Variants in TRIP12 observed in about 807,000 individuals in gnomAD.
TRIP12 encodes E3 ubiquitin-protein ligase TRIP12.
Under a neutral mutation model 244.2 loss-of-function variants are expected in TRIP12, and 25 were observed. The ratio of observed to expected loss-of-function variants is 0.10; its 90% confidence interval spans 0.07 to 0.14. The LOEUF is 0.14. Ranked by LOEUF, TRIP12 falls within the 10% of genes least tolerant of loss-of-function variation. TRIP12 has a pLI of 1.00. For missense variants in TRIP12, 1,677 were observed against 2,486.4 expected, an observed-to-expected ratio of 0.67 and a Z score of 6.92; for synonymous variants, 905 against 873.1, an observed-to-expected ratio of 1.04 and a Z score of -0.64.
At position 229,811,219 on chromosome 2, in the gene TRIP12, A is replaced by C; in HGVS notation, c.1987-15T>G. On this transcript the variant is annotated splice_polypyrimidine_tract_variant and intron_variant, in intron 13 of 41. Coordinates refer to ENST00000675903, the MANE Select transcript of TRIP12 (RefSeq NM_001348323.3). ...GACTTTTTATCCTATTTTTTTAATA[A>C]AGGAAAATAAAATTTATTAGCATAA... 1 of 1,606,684 alleles carries C rather than the reference A, an allele frequency of 6.2e-7. No homozygotes were observed. Among genetic ancestry groups the C allele is most frequent in the African/African-American group, 1.3e-5 (1 of 74,394 alleles).
chr2:229,804,249 T>C (rs772506609), intron 18 of TRIP12, 22 bp from the exon 19 acceptor site: 4 of 1,578,042 alleles, frequency 2.5e-6, no homozygotes, highest in Admixed American at 1.8e-5. Context: ...AAAAAAAATA[T>C]ATGTGCAATC....
chr2:229,771,678 T>C, intron 38 of TRIP12, 46 bp from the exon 39 acceptor site: 1 of 1,442,758 alleles, frequency 6.9e-7, no homozygotes. Flanking sequence ...ATTTCAAATC[T>C]CTTTACTATT....
At chr2:229,826,864 T>C in intron 8 of TRIP12, among the ~76,000 whole-genome samples, 1 of 152,214 alleles carries the variant, frequency 6.6e-6, no homozygotes, top group East Asian at 1.9e-4. Flanking sequence ...TTACCAGGAA[T>C]GGAAGTTTCT....
intron 13 of TRIP12, among the ~76,000 whole-genome samples, chr2:229,813,344 C>T (rs1334760955): frequency 6.6e-6 from 1 of 152,066 alleles, no homozygotes; most frequent in Non-Finnish European, 1.5e-5. Context: ...AGTCATCAAA[C>T]ATATGAATTA....
intron 8 of TRIP12, among the ~76,000 whole-genome samples, chr2:229,827,084 TC>T (rs1447142517): frequency 6.6e-6 from 1 of 151,964 alleles, no homozygotes; most frequent in African/African-American, 2.4e-5. Context: ...ATCGAGAACA[TC>T]CTAGCTAACA....
intron 2 of TRIP12, among the ~76,000 whole-genome samples, chr2:229,875,686 T>G (rs2063454718): frequency 6.6e-6 from 1 of 152,240 alleles, no homozygotes; most frequent in Non-Finnish European, 1.5e-5. Context: ...GTAATAATTT[T>G]TTAAACTTAA....
intron 34 of TRIP12, among the ~76,000 whole-genome samples, chr2:229,784,806 T>A (rs754423541): frequency 2.0e-5 from 3 of 152,250 alleles, no homozygotes; most frequent in African/African-American, 7.2e-5. Flanking sequence ...TGAACTCGCA[T>A]ATATACGTTA....
intron 1 of TRIP12, among the ~76,000 whole-genome samples, chr2:229,917,418 A>AAAAAAAAAAAAAAAAAC (rs2075683682): frequency 7.0e-6 from 1 of 142,846 alleles, no homozygotes. Context: ...AAAAAAAAAA[A>AAAAAAAAAAAAAAAAAC]ATTACCAAGC....
intron 7 of TRIP12, 98 bp downstream of exon 7, chr2:229,830,658 A>G: frequency 2.4e-6 from 3 of 1,270,962 alleles, no homozygotes; most frequent in East Asian, 2.4e-5. Context: ...CTGCTAGATT[A>G]TGGTCAAATG....
chr2:229,820,490 G>A (rs2049761498), intron 8 of TRIP12, among the ~76,000 whole-genome samples: 1 of 151,878 alleles, frequency 6.6e-6, no homozygotes, highest in Non-Finnish European at 1.5e-5. Context: ...AAACTACTGA[G>A]GTACCACAAA....
intron 1 of TRIP12, among the ~76,000 whole-genome samples, chr2:229,884,007 A>T (rs2065413972): frequency 6.6e-6 from 1 of 151,716 alleles, no homozygotes; most frequent in Non-Finnish European, 1.5e-5. Context: ...GCTACTTGGG[A>T]GGGTGAGGCA....
At chr2:229,872,254 C>T (rs1426693228) in intron 2 of TRIP12, among the ~76,000 whole-genome samples, 1 of 151,616 alleles carries the variant, frequency 6.6e-6, no homozygotes, top group Non-Finnish European at 1.5e-5. Flanking sequence ...CATAGCGAGA[C>T]CCCCATCTCT....
intron 34 of TRIP12, among the ~76,000 whole-genome samples, chr2:229,779,268 C>T (rs2037294114): frequency 6.6e-6 from 1 of 152,176 alleles, no homozygotes; most frequent in Non-Finnish European, 1.5e-5. Context: ...CATATCTTTC[C>T]TTCAGGAACA....
intron 2 of TRIP12, among the ~76,000 whole-genome samples, chr2:229,876,315 T>G (rs2154350743): frequency 6.6e-6 from 1 of 152,212 alleles, no homozygotes. Context: ...TGGGGGCTGA[T>G]AAGAAGGCCT....
intron 2 of TRIP12, among the ~76,000 whole-genome samples, chr2:229,868,188 A>G (rs2061906123): frequency 6.6e-6 from 1 of 152,200 alleles, no homozygotes; most frequent in South Asian, 2.1e-4. Context: ...AGCCGATTCT[A>G]GAATACTTAC....
intron 2 of TRIP12, among the ~76,000 whole-genome samples, chr2:229,863,673 T>C (rs1161483252): frequency 6.6e-6 from 1 of 152,178 alleles, no homozygotes; most frequent in Non-Finnish European, 1.5e-5. Flanking sequence ...TGTCCACTTA[T>C]AAATTATTAA....
At chr2:229,916,926 T>G (rs969908797) in intron 1 of TRIP12, among the ~76,000 whole-genome samples, 3 of 149,806 alleles carry the variant, frequency 2.0e-5, no homozygotes, top group Non-Finnish European at 4.4e-5. Flanking sequence ...TTATTACAAA[T>G]AACAGCAAGC....
At chr2:229,795,097 A>T in intron 26 of TRIP12, 82 bp downstream of exon 26, 1 of 1,513,008 alleles carries the variant, frequency 6.6e-7, no homozygotes, top group East Asian at 2.3e-5. Flanking sequence ...TCAAGACTTT[A>T]CCAGACCTCT....
chr2:229,886,183 T>C (rs1340027510), intron 1 of TRIP12, among the ~76,000 whole-genome samples: 1 of 152,190 alleles, frequency 6.6e-6, no homozygotes, highest in Non-Finnish European at 1.5e-5. Context: ...GTAAGTCAAA[T>C]GTCAAACTCT....
Sources: allele counts gnomAD v4.1 joint callset (sites outside exome capture counted in the v4.1 genomes callset), GRCh38; gene constraint gnomAD v4.1.1; transcripts MANE v1.5; gene names NCBI Gene and HGNC (gene_info 2026-07-23, HGNC 2026-07-21).